FIGN: variants seen among roughly 807,000 people sequenced by gnomAD.
The protein encoded by FIGN is fidgetin.
Under a neutral mutation model 51.3 loss-of-function variants are expected in FIGN, and 11 were observed. That is an observed-to-expected ratio of 0.21 (90% CI 0.13 to 0.35). The LOEUF (loss-of-function observed/expected upper bound fraction) is 0.35, where lower values mean the gene tolerates loss of function less well. FIGN is among the 10% of genes least tolerant of loss of function. The pLI is 1.00. For missense variants in FIGN, 857 were observed against 943.6 expected (o/e 0.91, Z 1.20); for synonymous variants, 407 against 363.2 (o/e 1.12, Z -1.37).
At chr2:163,668,937 T>C (rs1045174975) in intron 2 of FIGN, among the ~76,000 whole-genome samples, 17 of 149,398 alleles carry the variant, frequency 1.1e-4, no homozygotes, top group African/African-American at 4.2e-4. Flanking sequence ...TGAGACTCCA[T>C]CTCAAAAGAA....
chr2:163,655,490 C>T (rs1683544899), intron 2 of FIGN, among the ~76,000 whole-genome samples: 1 of 152,060 alleles, frequency 6.6e-6, no homozygotes, highest in Non-Finnish European at 1.5e-5. Context: ...TCATATATAC[C>T]ACAGCCCTTC....
chr2:163,665,247 T>C (rs956359743), intron 2 of FIGN, among the ~76,000 whole-genome samples: 4 of 152,238 alleles, frequency 2.6e-5, no homozygotes, highest in African/African-American at 9.6e-5. Context: ...AGGCTCACAT[T>C]TGCATGCTCA....
Position 163,611,763 on chromosome 2 carries a change from T to C in FIGN, c.69A>G (p.Glu23=), listed in dbSNP as rs1201273641. 1.2e-6 allele frequency: 2 copies of C among 1,612,646 alleles called. No individual in the cohort carries two copies. Among genetic ancestry groups the C allele is most frequent in the Non-Finnish European group, 1.7e-6 (2 of 1,178,818 alleles). ...TGGTTGAGGTGATGTCAAAGTGCTG[T>C]TCTGGCCACTGGGCATGCTCTGGCG... The part of the protein sequence containing the change: ...QWTPEHAQWP[E]QHFDITSTTR... Residue 23 remains glutamate (E), a synonymous_variant, in exon 3 of 3, where the codon GAA becomes GAG. Coordinates refer to ENST00000333129, the MANE Select transcript of FIGN (RefSeq NM_018086.4).
At chr2:163,615,549 A>C (rs1444398140) in intron 2 of FIGN, among the ~76,000 whole-genome samples, 1 of 152,194 alleles carries the variant, frequency 6.6e-6, no homozygotes, top group Non-Finnish European at 1.5e-5. Flanking sequence ...ATGTTTTCTG[A>C]ACAACAAAAA....
rs773053951 is a variant in FIGN, at chr2:163,611,199, C to T, written c.633G>A (p.Pro211=). The part of the protein sequence containing the change: ...QPAPALPSPH[P]SPLHSSGLLQ... ...GTAGCCCAGAGCTATGCAAAGGAGA[C>T]GGATGAGGTGAAGGAAGTGCAGGTG... The change falls in exon 3 of 3, where the codon CCG becomes CCA. Residue 211 remains proline, a synonymous_variant. Transcript: ENST00000333129. 23 of 1,613,860 alleles carry T rather than the reference C, an allele frequency of 1.4e-5. No individual in the cohort carries two copies. In the Admixed American group the frequency reaches 2.5e-4, roughly 18 times the overall value.
rs960995568 is a variant in FIGN, at chr2:163,622,448, T to C, written c.26-10642A>G. Among the ~76,000 whole-genome samples the C allele has an allele frequency of 3.3e-5, 5 of 152,328 alleles. No individual in the cohort carries two copies. In the South Asian group the frequency reaches 1.0e-3, roughly 32 times the overall value. ...CTATTGTAAAATTTTATACTTCTTA[T>C]TGATGATTATGACTATTTTACTGGC... is the stretch of plus-strand genomic sequence containing the variant. On this transcript the variant is annotated intron_variant, in intron 2 of 2. Coordinates refer to ENST00000333129, the MANE Select transcript of FIGN (RefSeq NM_018086.4).
chr2:163,609,471 G>T lies in FIGN; in HGVS notation c.*81C>A. ...ACCCTTTGCAATTTAAACTCTACTG[G>T]AAAGGGGCTCTATTCCCTATGTAGC... On this transcript the variant is annotated 3_prime_UTR_variant, in exon 3 of 3. Transcript: ENST00000333129. 1.6e-6 allele frequency: 2 copies of T among 1,227,946 alleles called. No homozygotes were observed. The highest frequency in any genetic ancestry group is 2.3e-6 in the Non-Finnish European group (2 of 881,012). The allele number at this position is 1,227,946 out of a possible 1,614,324, so 76.1% of individuals were successfully genotyped here. A position where few individuals can be genotyped will look rare whatever the true frequency, so the allele number is the denominator to read the frequency against.
intron 2 of FIGN, among the ~76,000 whole-genome samples, chr2:163,671,586 C>T (rs1683877094): frequency 6.6e-6 from 1 of 152,138 alleles, no homozygotes; most frequent in South Asian, 2.1e-4. Flanking sequence ...AGATAACTCA[C>T]AAAATTACCC....
intron 2 of FIGN, among the ~76,000 whole-genome samples, chr2:163,678,385 T>G (rs1684007384): frequency 6.6e-6 from 1 of 152,058 alleles, no homozygotes; most frequent in Admixed American, 6.6e-5. Context: ...CACGCCCAGC[T>G]AATTTTTGTA....
At chr2:163,727,950 T>C (rs1218684271) in intron 2 of FIGN, among the ~76,000 whole-genome samples, 1 of 152,200 alleles carries the variant, frequency 6.6e-6, no homozygotes, top group Non-Finnish European at 1.5e-5. Context: ...AAAGGAGTCA[T>C]ATGACTCTAA....
intron 2 of FIGN, among the ~76,000 whole-genome samples, chr2:163,615,505 T>A (rs1327336075): frequency 6.6e-6 from 1 of 152,174 alleles, no homozygotes; most frequent in East Asian, 1.9e-4. Flanking sequence ...TGGTGCTATT[T>A]CTGATATGAA....
At chr2:163,712,214 T>C (rs1319500832) in intron 2 of FIGN, among the ~76,000 whole-genome samples, 2 of 152,190 alleles carry the variant, frequency 1.3e-5, no homozygotes, top group Admixed American at 6.5e-5. Flanking sequence ...TGAATTACCA[T>C]TAAATTGTAA....
In FIGN at chr2:163,604,755, C is replaced by G. The variant is rs1249194536; in HGVS notation, c.*4797G>C. On this transcript the variant is annotated 3_prime_UTR_variant, in exon 3 of 3. Coordinates refer to ENST00000333129, the MANE Select transcript of FIGN (RefSeq NM_018086.4). ...AAGTGTATATAATCCACAGTGGAAA[C>G]TCATACACACACACACCCACATACA... is the stretch of plus-strand genomic sequence containing the variant. The G allele has an allele frequency of 2.0e-5, 3 of 150,648 alleles. No individual in the cohort carries two copies. The highest frequency in any genetic ancestry group is 7.3e-5 in the African/African-American group (3 of 40,982). 9.3% of individuals were successfully genotyped at this position (150,648 alleles called of 1,614,324 possible).
chr2:163,631,289 G>A (rs536509114), intron 2 of FIGN, among the ~76,000 whole-genome samples: 9 of 152,224 alleles, frequency 5.9e-5, no homozygotes, highest in Admixed American at 2.6e-4. Context: ...GATACATAAC[G>A]TAAGCATGTA....
intron 2 of FIGN, among the ~76,000 whole-genome samples, chr2:163,705,519 A>G (rs986620704): frequency 6.6e-6 from 1 of 152,126 alleles, no homozygotes; most frequent in Non-Finnish European, 1.5e-5. Context: ...AAATTCTTAA[A>G]ATTTTAGTTA....
intron 2 of FIGN, among the ~76,000 whole-genome samples, chr2:163,700,630 G>A (rs1475786395): frequency 2.6e-5 from 4 of 152,090 alleles, no homozygotes; most frequent in Non-Finnish European, 5.9e-5. Flanking sequence ...AAAAAGGGGA[G>A]AGTTCAGTCA....
At chr2:163,707,720 T>A (rs1684522823) in intron 2 of FIGN, among the ~76,000 whole-genome samples, 1 of 152,064 alleles carries the variant, frequency 6.6e-6, no homozygotes. Flanking sequence ...AATGGCTTTG[T>A]TAAGGAGATA....
intron 2 of FIGN, among the ~76,000 whole-genome samples, chr2:163,636,275 T>C (rs1363332317): frequency 6.6e-6 from 1 of 152,122 alleles, no homozygotes; most frequent in Non-Finnish European, 1.5e-5. Flanking sequence ...TTGTTTCTAA[T>C]GGTGATTTTT....
rs1010660231 is a variant in FIGN, at chr2:163,611,758, T to A, written c.74A>T (p.His25Leu). The A allele has an allele frequency of 1.9e-6, 3 of 1,613,852 alleles. No homozygotes were observed. The highest frequency in any genetic ancestry group is 2.5e-6 in the Non-Finnish European group (3 of 1,179,750). Residue 25 changes from histidine (H) to leucine (L), a missense_variant, in exon 3 of 3, where the codon CAC (histidine) becomes CTC (leucine). By Grantham distance (99) the His-to-Leu change is moderately conservative. Coordinates refer to ENST00000333129, the MANE Select transcript of FIGN (RefSeq NM_018086.4). ...TPEHAQWPEQ[H>L]FDITSTTRSP... ...CCGAGTGGTTGAGGTGATGTCAAAG[T>A]GCTGTTCTGGCCACTGGGCATGCTC...
Sources: gnomAD v4.1 joint callset for allele counts (sites outside exome capture counted in the v4.1 genomes callset) on GRCh38, gnomAD v4.1.1 for gene constraint, MANE v1.5 for transcripts, NCBI Gene and HGNC (gene_info 2026-07-23, HGNC 2026-07-21) for gene names.